The following RNF175 variants were observed in gnomAD, a reference collection of about 807,000 sequenced individuals.
The protein encoded by RNF175 is ring finger protein 175.
A neutral mutation model predicts 50.0 loss-of-function variants in RNF175; 38 were observed. The ratio of observed to expected loss-of-function variants is 0.76; its 90% CI spans 0.59 to 1.00. The LOEUF (loss-of-function observed/expected upper bound fraction) is 1.00, where lower values mean the gene tolerates loss of function less well. RNF175 is among the 50% of genes least tolerant of loss of function. The pLI is 0.00. For synonymous variants in RNF175, 155 were observed against 146.1 expected, an observed-to-expected ratio of 1.06 and a Z score of -0.44; for missense variants, 388 against 409.6, an observed-to-expected ratio of 0.95 and a Z score of 0.46.
chr4:153,726,911 C>A (rs879731179), intron 4 of RNF175, among the ~76,000 whole-genome samples: 1 of 152,114 alleles, frequency 6.6e-6, no homozygotes, highest in Non-Finnish European at 1.5e-5. Context: ...ATGCTTTGGG[C>A]ATGGGAAAGA....
chr4:153,747,168 A>C (rs988962574), intron 3 of RNF175, among the ~76,000 whole-genome samples: 2 of 152,094 alleles, frequency 1.3e-5, no homozygotes, highest in African/African-American at 4.8e-5. Flanking sequence ...GATTACTTGC[A>C]CCTGGCTTCC....
In RNF175 at chr4:153,717,944, A is replaced by G. The variant is rs148917875; in HGVS notation, c.630+2240T>C. 5.2e-3 allele frequency among the ~76,000 whole-genome samples: 787 copies of G among 152,260 alleles called. 5 individuals are homozygous for G. Among genetic ancestry groups the G allele is most frequent in the African/African-American group, 0.017 (707 of 41,566 alleles). On this transcript the variant is annotated intron_variant, in intron 6 of 8. Transcript: ENST00000347063. ...GATTTTGAGAAATGTATAGTGTTATATATCCACCGTTATCGTATCACACAG... is the reference window on the plus strand; with the variant it reads ...GATTTTGAGAAATGTATAGTGTTATGTATCCACCGTTATCGTATCACACAG...
intron 1 of RNF175, among the ~76,000 whole-genome samples, chr4:153,753,561 T>TC (rs1491095215): frequency 8.9e-6 from 1 of 112,350 alleles, no homozygotes; most frequent in Admixed American, 9.0e-5. Flanking sequence ...TCTCTCTCTC[T>TC]TTTTTTTTTT....
At position 153,720,090 on chromosome 4, in the gene RNF175, A is replaced by C; in HGVS notation, c.630+94T>G. Reference sequence around the variant, plus strand: ...AACAATAATCAGTATATGGAGAAAGACTTATTTGTTTCTGAAAATGGATGC... The same window carrying C: ...AACAATAATCAGTATATGGAGAAAGCCTTATTTGTTTCTGAAAATGGATGC... On this transcript the variant is annotated intron_variant, in intron 6 of 8. Coordinates refer to ENST00000347063, the MANE Select transcript of RNF175 (RefSeq NM_173662.4). 6.7e-6 allele frequency: 9 copies of C among 1,336,310 alleles called. No homozygotes were observed. In the South Asian group the frequency reaches 1.2e-4, roughly 18 times the overall value. 82.8% of individuals were successfully genotyped at this position (1,336,310 alleles called of 1,614,324 possible).
intron 7 of RNF175, chr4:153,714,242 A>C (rs1332003862): frequency 6.6e-6 from 1 of 152,258 alleles, no homozygotes; most frequent in East Asian, 1.9e-4. Flanking sequence ...CCAGACTTGG[A>C]AAATTGCTAC....
Position 153,752,783 on chromosome 4 carries a change from A to C in RNF175, c.67-1308T>G, listed in dbSNP as rs550372078. 2.1e-4 allele frequency among the ~76,000 whole-genome samples: 32 copies of C among 152,334 alleles called. No homozygotes were observed. The South Asian group carries it at 6.2e-3, about 30-fold the overall frequency. ...CATATGTGAGGGGCAAAAAACTAAT[A>C]AGCATATGTAAAAAGGGTTTTTATA... On this transcript the variant is annotated intron_variant, in intron 1 of 8. Transcript: ENST00000347063.
chr4:153,717,524 TACACACACAAACACACACAC>T (rs1402029266), intron 6 of RNF175, among the ~76,000 whole-genome samples: 32 of 81,050 alleles, frequency 3.9e-4, no homozygotes, highest in African/African-American at 1.2e-3. Context: ...CACACACAGA[TACACACACAAACACACACAC>T]ACACACACAC....
At position 153,740,301 on chromosome 4, in the gene RNF175, T is replaced by C. The variant is rs554065565; in HGVS notation, c.246+8344A>G. Among the ~76,000 whole-genome samples, 7 of 152,270 alleles carry C rather than the reference T, an allele frequency of 4.6e-5. 1 individual carries two copies. Among genetic ancestry groups the C allele is most frequent in the African/African-American group, 1.7e-4 (7 of 41,570 alleles). On this transcript the variant is annotated intron_variant, in intron 3 of 8. Coordinates refer to ENST00000347063, the MANE Select transcript of RNF175 (RefSeq NM_173662.4). Reference sequence around the variant, plus strand: ...ATCTAAGCATATTAGCCATAATTATTTTAAGTTTTATTTTATTTTTAATTG... The same window carrying C: ...ATCTAAGCATATTAGCCATAATTATCTTAAGTTTTATTTTATTTTTAATTG...
At chr4:153,710,597 C>T in intron 8 of RNF175, 108 bp from the exon 9 acceptor site, 2 of 1,056,080 alleles carry the variant, frequency 1.9e-6, no homozygotes, top group South Asian at 1.6e-5. Context: ...TATTTCCTTT[C>T]TTGTTAATTC....
intron 7 of RNF175, chr4:153,715,151 C>T (rs1737825996): frequency 3.0e-6 from 1 of 330,678 alleles, no homozygotes; most frequent in African/African-American, 2.2e-5. Context: ...GTCTTAAGTT[C>T]CCCCCTGCAC....
chr4:153,741,697 C>G (rs1739667060), intron 3 of RNF175, among the ~76,000 whole-genome samples: 1 of 152,104 alleles, frequency 6.6e-6, no homozygotes, highest in Non-Finnish European at 1.5e-5. Context: ...GACTTCCAAG[C>G]TTTTTATATG....
At position 153,718,226 on chromosome 4, in the gene RNF175, G is replaced by GTTTTTTTTTTT. The variant is rs1325216298; in HGVS notation, c.630+1957_630+1958insAAAAAAAAAAA. ...CCTAAGGAGTTTTTTTTGTTTGTTTGTTTGTTTGTTTGTTTTTTTTTTTTT... is the reference window on the plus strand; with the variant it reads ...CCTAAGGAGTTTTTTTTGTTTGTTTGTTTTTTTTTTTTTTGTTTGTTTGTTTTTTTTTTTTT... On this transcript the variant is annotated intron_variant, in intron 6 of 8. Coordinates refer to ENST00000347063, the MANE Select transcript of RNF175 (RefSeq NM_173662.4). Among the ~76,000 whole-genome samples, 16 of 30,540 alleles carry GTTTTTTTTTTT rather than the reference G, an allele frequency of 5.2e-4. 1 individual carries two copies. The highest frequency in any genetic ancestry group is 1.2e-3 in the Admixed American group (2 of 1,724). The allele number at this position is 30,540 out of a possible 152,430, so 20.0% of individuals were successfully genotyped here. A position where few individuals can be genotyped will look rare whatever the true frequency, so the allele number is the denominator to read the frequency against.
At chr4:153,721,062 T>C (rs976244638) in intron 5 of RNF175, among the ~76,000 whole-genome samples, 1 of 152,170 alleles carries the variant, frequency 6.6e-6, no homozygotes, top group Non-Finnish European at 1.5e-5. Flanking sequence ...TTGATTACCA[T>C]GCCAGAGTTG....
intron 1 of RNF175, among the ~76,000 whole-genome samples, chr4:153,757,730 G>A (rs1740631612): frequency 6.6e-6 from 1 of 151,822 alleles, no homozygotes; most frequent in African/African-American, 2.4e-5. Flanking sequence ...ACAAGCAGAA[G>A]AGGGAACTCC....
chr4:153,745,403 CCAA>C (rs1252267134), intron 3 of RNF175, among the ~76,000 whole-genome samples: 43 of 152,248 alleles, frequency 2.8e-4, no homozygotes, highest in Non-Finnish European at 5.0e-4. Flanking sequence ...GGTCTCAGGC[CCAA>C]CAAGGCCCAC....
At chr4:153,748,861 A>G (rs1397381597) in intron 2 of RNF175, 75 bp from the exon 3 acceptor site, 2 of 1,384,476 alleles carry the variant, frequency 1.4e-6, no homozygotes, top group Non-Finnish European at 1.9e-6. Flanking sequence ...AAAAAACAAA[A>G]AACAAAAAAA....
intron 1 of RNF175, 110 bp from the exon 2 acceptor site, chr4:153,751,585 G>T: frequency 1.4e-6 from 1 of 732,722 alleles, no homozygotes; most frequent in Non-Finnish European, 2.3e-6. Flanking sequence ...ATGTCACATA[G>T]TATTTGAATA....
rs377056342 is a variant in RNF175 at position 153,720,221 on chromosome 4, G to C, written c.593C>G (p.Ala198Gly). 1.6e-5 allele frequency: 26 copies of C among 1,613,430 alleles called. No individual in the cohort carries two copies. The highest frequency in any genetic ancestry group is 1.8e-5 in the Non-Finnish European group (21 of 1,179,622). The change falls in exon 6 of 9, where the codon GCC becomes GGC. Residue 198 changes from alanine (A) to glycine (G), a missense_variant. Coordinates refer to ENST00000347063, the MANE Select transcript of RNF175 (RefSeq NM_173662.4). ...LYYGVMGRDF[A>G]EICSDYMAST... Reference sequence around the variant, plus strand: ...AGCCATGTAGTCTGAGCAGATCTCGGCAAAGTCTCTCCCCATTACTCCATA... The same window carrying C: ...AGCCATGTAGTCTGAGCAGATCTCGCCAAAGTCTCTCCCCATTACTCCATA...
chr4:153,720,273 T>A lies in RNF175; in HGVS notation c.541A>T (p.Ile181Phe), dbSNP rs761231445. 4 of 1,613,096 alleles carry A rather than the reference T, an allele frequency of 2.5e-6. No homozygotes were observed. The highest frequency in any genetic ancestry group is 3.4e-6 in the Non-Finnish European group (4 of 1,179,134). The change falls in exon 6 of 9, where the codon ATT becomes TTT. Residue 181 changes from isoleucine (I) to phenylalanine (F), a missense_variant. Transcript: ENST00000347063. ...IKARDSMDFG[I>F]VSLFYGLYYG... ...TAGAGGCCGTAGAACAAAGACACAATGCCAAAATCCATGGAATCTCTAGCT... is the reference window on the plus strand; with the variant it reads ...TAGAGGCCGTAGAACAAAGACACAAAGCCAAAATCCATGGAATCTCTAGCT...
Sources: allele counts gnomAD v4.1 joint callset (sites outside exome capture counted in the v4.1 genomes callset), GRCh38; gene constraint gnomAD v4.1.1; transcripts MANE v1.5; gene names NCBI Gene and HGNC (gene_info 2026-07-23, HGNC 2026-07-21).